ANKFY1: variants seen among roughly 807,000 people sequenced by gnomAD.
ANKFY1 encodes the protein ankyrin repeat and FYVE domain containing 1.
Under a neutral mutation model 128.3 loss-of-function variants are expected in ANKFY1, and 47 were observed. The ratio of observed to expected loss-of-function variants is 0.37; its 90% confidence interval spans 0.29 to 0.47. The LOEUF is 0.47. ANKFY1 is among the 20% of genes least tolerant of loss of function. The pLI is 1.00. For missense variants in ANKFY1, 1,222 were observed against 1,510.6 expected (o/e 0.81, Z 3.17); for synonymous variants, 553 against 601.6 (o/e 0.92, Z 1.18).
chr17:4,179,969 A>C, intron 16 of ANKFY1, 92 bp from the exon 17 acceptor site: 1 of 1,499,342 alleles, frequency 6.7e-7, no homozygotes, highest in Non-Finnish European at 9.1e-7. Context: ...GCCTCATCCA[A>C]TCCAACAGCG....
At position 4,167,368 on chromosome 17, in the gene ANKFY1, T is replaced by G. The variant is rs145691891; in HGVS notation, c.*411A>C. The G allele has an allele frequency of 2.1e-3, 337 of 157,104 alleles. 3 individuals are homozygous for G. Among genetic ancestry groups the G allele is most frequent in the Non-Finnish European group, 3.6e-3 (258 of 71,332 alleles). 9.7% of individuals were successfully genotyped at this position (157,104 alleles called of 1,614,324 possible). A position where few individuals can be genotyped will look rare whatever the true frequency, so the allele number is the denominator to read the frequency against. ...AAAGCCAGCTCATTAAGCAGCCAGCTTCCTACGCTGAGAGGCTCTGCCTCA... is the reference window on the plus strand; with the variant it reads ...AAAGCCAGCTCATTAAGCAGCCAGCGTCCTACGCTGAGAGGCTCTGCCTCA... On this transcript the variant is annotated 3_prime_UTR_variant, in exon 25 of 25. Coordinates refer to ENST00000341657, the MANE Select transcript of ANKFY1 (RefSeq NM_001330063.2). The surrounding 1 kb of genome is among the most constrained non-coding windows in gnomAD (Gnocchi z 4.1).
chr17:4,249,182 G>C, intron 1 of ANKFY1: 2 of 925,298 alleles, frequency 2.2e-6, no homozygotes, highest in Non-Finnish European at 2.6e-6. Context: ...CATACTTTCC[G>C]TACAGGGCCA....
chr17:4,211,045 A>C (rs1379504486), intron 4 of ANKFY1, among the ~76,000 whole-genome samples: 3 of 152,008 alleles, frequency 2.0e-5, no homozygotes, highest in African/African-American at 7.2e-5. Context: ...CAACAACAAA[A>C]AAAATAAAAA....
Position 4,235,756 on chromosome 17 carries a change from T to C in ANKFY1, c.322+16A>G. 1.3e-6 allele frequency: 2 copies of C among 1,595,222 alleles called. No individual in the cohort carries two copies. The highest frequency in any genetic ancestry group is 1.7e-6 in the Non-Finnish European group (2 of 1,163,398). On this transcript the variant is annotated intron_variant, in intron 3 of 24. Transcript: ENST00000341657. ...TCCGCTAGCAGTTTTGTGTCCCTGA[T>C]CACTCAAAGGCTCACCTGACAGGTC... is the stretch of plus-strand genomic sequence containing the variant.
At chr17:4,202,057 G>A (rs1395874208) in intron 7 of ANKFY1, among the ~76,000 whole-genome samples, 1 of 152,194 alleles carries the variant, frequency 6.6e-6, no homozygotes, top group Non-Finnish European at 1.5e-5. Flanking sequence ...GGGGAGAAGG[G>A]TTAATGTAGT....
rs1177087196 is a variant in ANKFY1 at position 4,255,243 on chromosome 17, C to CTTTT, written c.10+8685_10+8688dup. 1.8e-3 allele frequency among the ~76,000 whole-genome samples: 220 copies of CTTTT among 119,886 alleles called. 4 individuals are homozygous for CTTTT. The highest frequency in any genetic ancestry group is 6.7e-3 in the African/African-American group (202 of 30,120). The allele number at this position is 119,886 out of a possible 152,430, so 78.6% of individuals were successfully genotyped here. A position where few individuals can be genotyped will look rare whatever the true frequency, so the allele number is the denominator to read the frequency against. ...ATGAATTAGTGTTCTTCATGTAATTCTTTTTTTTTTTTTTTTTTTTTGAGA... is the reference window on the plus strand; with the variant it reads ...ATGAATTAGTGTTCTTCATGTAATTCTTTTTTTTTTTTTTTTTTTTTTTTTGAGA... On this transcript the variant is annotated intron_variant, in intron 1 of 24. Transcript: ENST00000341657.
At chr17:4,173,584 G>C in intron 20 of ANKFY1, 140 bp from the exon 21 acceptor site, 1 of 793,438 alleles carries the variant, frequency 1.3e-6, no homozygotes, top group South Asian at 1.5e-5. Context: ...ATCCTTTCTG[G>C]TCTTCACCGC....
intron 3 of ANKFY1, among the ~76,000 whole-genome samples, chr17:4,228,854 C>G (rs1186654970): frequency 6.6e-6 from 1 of 152,078 alleles, no homozygotes; most frequent in East Asian, 1.9e-4. Context: ...AAAAAGAAAC[C>G]AAACTGACAG....
At chr17:4,223,540 G>T in intron 3 of ANKFY1, 2 of 1,210,670 alleles carry the variant, frequency 1.7e-6, no homozygotes, top group East Asian at 2.3e-5. Context: ...GATGGCTCTT[G>T]AAAGTCTGGT....
intron 3 of ANKFY1, among the ~76,000 whole-genome samples, chr17:4,219,712 TAAAAAA>T (rs202092603): frequency 1.4e-5 from 2 of 143,602 alleles, no homozygotes; most frequent in African/African-American, 5.1e-5. Context: ...ATATTAAAAG[TAAAAAA>T]AAAAGAAAAA....
intron 24 of ANKFY1, chr17:4,168,994 C>T: frequency 1.9e-6 from 1 of 535,110 alleles, no homozygotes; most frequent in Non-Finnish European, 3.4e-6. Flanking sequence ...AGGAAAGCCA[C>T]CCGTCTGCAG....
intron 3 of ANKFY1, among the ~76,000 whole-genome samples, chr17:4,221,771 T>C (rs12326002): frequency 0.92 from 140,688 of 152,142 alleles, 66,066 homozygotes; most frequent in Non-Finnish European, 1. Context: ...GAGTGCGTCA[T>C]CACACCCAGC....
chr17:4,244,084 C>T (rs1433598579), intron 1 of ANKFY1, among the ~76,000 whole-genome samples: 1 of 152,100 alleles, frequency 6.6e-6, no homozygotes, highest in East Asian at 1.9e-4. Context: ...GTGGGCACCA[C>T]CACGCCCAGC....
rs112205843 is a variant in ANKFY1 at position 4,217,271 on chromosome 17, G to A, written c.323-153C>T. 1.1e-4 allele frequency among the ~76,000 whole-genome samples: 17 copies of A among 152,268 alleles called. No homozygotes were observed. The South Asian group carries it at 2.5e-3, about 22-fold the overall frequency. Reference sequence around the variant, plus strand: ...AGTCATTAAAAATGGGGACTCGGCCGGGTGCAGTGGCTCACGCCTGTAATC... The same window carrying A: ...AGTCATTAAAAATGGGGACTCGGCCAGGTGCAGTGGCTCACGCCTGTAATC... On this transcript the variant is annotated intron_variant, in intron 3 of 24. Coordinates refer to ENST00000341657, the MANE Select transcript of ANKFY1 (RefSeq NM_001330063.2).
At chr17:4,194,737 G>A (rs975631522) in intron 10 of ANKFY1, 7 of 511,590 alleles carry the variant, frequency 1.4e-5, no homozygotes, top group South Asian at 6.6e-5. Context: ...AAGAGTCTGC[G>A]AGTCGCCGCA....
chr17:4,219,439 C>T (rs1222210419), intron 3 of ANKFY1, among the ~76,000 whole-genome samples: 1 of 152,166 alleles, frequency 6.6e-6, no homozygotes, highest in Non-Finnish European at 1.5e-5. Flanking sequence ...CAGCACATGT[C>T]CTAACAAGTC....
Position 4,179,761 on chromosome 17 carries a change from A to G in ANKFY1, c.2357T>C (p.Val786Ala), listed in dbSNP as rs759160200. 1 of 1,614,224 alleles carries G rather than the reference A, an allele frequency of 6.2e-7. No homozygotes were observed. The highest frequency in any genetic ancestry group is 1.7e-5 in the Admixed American group (1 of 60,024). ...GGCACCAAACTCCAGAAGACACTGT[A>G]CTGTCTCTTCCAGCCCCCAAGAGGC... is the stretch of plus-strand genomic sequence containing the variant. Reference protein sequence around the residue: ...LAASWGLEETVQCLLEFGANV... With the variant: ...LAASWGLEETAQCLLEFGANV... Residue 786 changes from valine to alanine, a missense_variant, in exon 17 of 25, where the codon GTA (valine) becomes GCA (alanine). Coordinates refer to ENST00000341657, the MANE Select transcript of ANKFY1 (RefSeq NM_001330063.2).
At chr17:4,168,022 A>G in intron 24 of ANKFY1, 111 bp from the exon 25 acceptor site, 2 of 1,222,020 alleles carry the variant, frequency 1.6e-6, no homozygotes, top group Admixed American at 2.7e-5. Flanking sequence ...CCGCAATGCT[A>G]CTCTGGCAAC....
rs951373446 is a variant in ANKFY1 at position 4,222,849 on chromosome 17, T to C, written c.323-5731A>G. 5.2e-6 allele frequency: 5 copies of C among 958,372 alleles called. No homozygotes were observed. In the African/African-American group the frequency reaches 6.4e-5, roughly 12 times the overall value. The allele number at this position is 958,372 out of a possible 1,614,324, so 59.4% of individuals were successfully genotyped here. The stretch of plus-strand genomic sequence containing the variant: ...GAGTTCCCAAGGGTTGTCTCAGCCA[T>C]CCACCCAGACGACTCAGTATCCGAG... On this transcript the variant is annotated intron_variant, in intron 3 of 24. Coordinates refer to ENST00000341657, the MANE Select transcript of ANKFY1 (RefSeq NM_001330063.2).
Sources: allele counts gnomAD v4.1 joint callset (sites outside exome capture counted in the v4.1 genomes callset), GRCh38; gene constraint gnomAD v4.1.1; non-coding constraint Gnocchi (gnomAD v3.1); transcripts MANE v1.5; gene names NCBI Gene and HGNC (gene_info 2026-07-23, HGNC 2026-07-21).